STS: variants seen among roughly 807,000 people sequenced by gnomAD.
STS encodes steryl-sulfatase.
In STS, 7 loss-of-function variants were observed where a neutral mutation model predicts 26.8. The observed-to-expected ratio is 0.26, with a 90% CI of 0.15 to 0.49. The LOEUF is 0.49. Ranked by LOEUF, STS falls within the 20% of genes least tolerant of loss-of-function variation. The pLI is 0.98. For missense variants in STS, 434 were observed against 465.6 expected (o/e 0.93, Z 0.63); for synonymous variants, 199 against 189.4 (o/e 1.05, Z -0.42).
At chrX:7,271,317 G>A (rs1179997304) in intron 6 of STS, among the ~76,000 whole-genome samples, 1 of 111,323 alleles carries the variant, frequency 9.0e-6, no homozygotes, top group African/African-American at 3.3e-5. Flanking sequence ...TTTCATGTTC[G>A]TTTTGAGGAA....
chrX:7,334,031 C>G lies in STS; in HGVS notation c.1287C>G (p.Ser429Arg). 8.3e-7 allele frequency: 1 copy of G among 1,211,264 alleles called. No homozygotes were observed. Among genetic ancestry groups the G allele is most frequent in the Non-Finnish European group, 1.1e-6 (1 of 895,249 alleles). The change falls in exon 10 of 11, where the codon AGC becomes AGG. Residue 429 changes from serine (S) to arginine (R), a missense_variant. This residue lies in a region of STS where 205 missense variants were observed against 177.3 expected (regional missense o/e 1.16). Coordinates refer to ENST00000674429, the MANE Select transcript of STS (RefSeq NM_001320752.2). ...RDLMPLLEGK[S>R]QRSDHEFLFH... ...TGATGCCCCTGCTTGAAGGAAAAAGCCAACGCTCCGATCATGAGTTTCTCT... is the reference window on the plus strand; with the variant it reads ...TGATGCCCCTGCTTGAAGGAAAAAGGCAACGCTCCGATCATGAGTTTCTCT...
chrX:7,278,622 T>C (rs1238082387), intron 7 of STS, among the ~76,000 whole-genome samples: 1 of 112,371 alleles, frequency 8.9e-6, no homozygotes, highest in African/African-American at 3.2e-5. Context: ...CATATTGTTA[T>C]AGTAACTAGA....
At chrX:7,274,402 G>T (rs1280564808) in intron 6 of STS, among the ~76,000 whole-genome samples, 1 of 111,403 alleles carries the variant, frequency 9.0e-6, no homozygotes, top group African/African-American at 3.3e-5. Context: ...TTCCCTGATA[G>T]CCTTCAAAAA....
chrX:7,249,113 G>T (rs1371154310), intron 2 of STS, among the ~76,000 whole-genome samples: 1 of 110,536 alleles, frequency 9.0e-6, no homozygotes, highest in Non-Finnish European at 1.9e-5. Context: ...TTCCTTCCAA[G>T]TTCAGGCCGA....
At chrX:7,314,610 G>A (rs1299534559) in intron 8 of STS, among the ~76,000 whole-genome samples, 1 of 113,152 alleles carries the variant, frequency 8.8e-6, no homozygotes, top group African/African-American at 3.2e-5. Context: ...GATTGCATTG[G>A]CTTCAGTTGA....
chrX:7,328,648 CT>C (rs1927601000), intron 9 of STS, among the ~76,000 whole-genome samples: 1 of 108,286 alleles, frequency 9.2e-6, no homozygotes, highest in South Asian at 4.2e-4. Context: ...CTGCCTCCAC[CT>C]CCCAGGCTCA....
intron 8 of STS, among the ~76,000 whole-genome samples, chrX:7,323,319 C>G (rs772992890): frequency 9.1e-5 from 10 of 109,900 alleles, no homozygotes; most frequent in Admixed American, 7.8e-4. Flanking sequence ...TTCTAATGAT[C>G]CTGTCATCCA....
Position 7,226,816 on chromosome X carries a change from A to AC in STS, c.-4-26377dup, listed in dbSNP as rs750340804. Among the ~76,000 whole-genome samples the AC allele has an allele frequency of 4.5e-5, 5 of 111,493 alleles. No individual in the cohort carries two copies. In the South Asian group the frequency reaches 1.9e-3, roughly 42 times the overall value. On this transcript the variant is annotated intron_variant, in intron 2 of 10. Coordinates refer to ENST00000674429, the MANE Select transcript of STS (RefSeq NM_001320752.2). ...GGCTGAGGTTGGGAGGATTGCTTCA[A>AC]CCCAGGAGGTCAATGCTGCAGTGAG... is the stretch of plus-strand genomic sequence containing the variant.
chrX:7,197,016 G>A (rs1933982651), intron 2 of STS, among the ~76,000 whole-genome samples: 1 of 110,490 alleles, frequency 9.1e-6, no homozygotes, highest in African/African-American at 3.3e-5. Flanking sequence ...CTACTCTCAG[G>A]TCCTCCCTGC....
chrX:7,148,455 A>G (rs1363731379), intron 1 of STS, among the ~76,000 whole-genome samples: 13 of 112,838 alleles, frequency 1.2e-4, no homozygotes, highest in African/African-American at 4.2e-4. Context: ...TCGTCTGGGG[A>G]CAAATTCAGT....
chrX:7,325,818 G>A (rs1172212571), intron 9 of STS, among the ~76,000 whole-genome samples: 3 of 111,958 alleles, frequency 2.7e-5, no homozygotes, highest in Non-Finnish European at 5.6e-5. Context: ...CGGACTGAGT[G>A]GGGAAACCCA....
rs1449790878 is a variant in STS at position 7,250,759 on chromosome X, A to G, written c.-4-2437A>G. On this transcript the variant is annotated intron_variant, in intron 2 of 10. Transcript: ENST00000674429. ...ATGGAGACCTTAATTCAGTATTTGG[A>G]TATACAGTCTCTCTGGACATAAAAC... Among the ~76,000 whole-genome samples, 4 of 112,480 alleles carry G rather than the reference A, an allele frequency of 3.6e-5. No individual in the cohort carries two copies. The Admixed American group carries it at 3.8e-4, about 11-fold the overall frequency.
intron 7 of STS, among the ~76,000 whole-genome samples, chrX:7,293,297 A>G (rs1414630004): frequency 8.9e-6 from 1 of 111,804 alleles, no homozygotes; most frequent in Non-Finnish European, 1.9e-5. Context: ...GAGGAATGGA[A>G]CTTCTACATA....
chrX:7,254,265 C>A (rs1362997017), intron 3 of STS, among the ~76,000 whole-genome samples: 1 of 112,271 alleles, frequency 8.9e-6, no homozygotes, highest in Non-Finnish European at 1.9e-5. Context: ...GACTCGAGGT[C>A]ATTTGACCCT....
chrX:7,183,270 A>T (rs1425014997), intron 1 of STS, among the ~76,000 whole-genome samples: 1 of 111,954 alleles, frequency 8.9e-6, no homozygotes, highest in African/African-American at 3.2e-5. Context: ...TTCAGAACTC[A>T]TTGTACAATT....
At chrX:7,279,041 C>T (rs1222835623) in intron 7 of STS, among the ~76,000 whole-genome samples, 6 of 110,345 alleles carry the variant, frequency 5.4e-5, no homozygotes, top group African/African-American at 2.0e-4. Flanking sequence ...TGGGGGCTCA[C>T]ACCTGTAATC....
chrX:7,257,706 T>C, intron 5 of STS, 118 bp downstream of exon 5: 1 of 973,708 alleles, frequency 1.0e-6, no homozygotes, highest in Non-Finnish European at 1.5e-6. Context: ...GGGATGACTT[T>C]GCTGGTACAC....
At chrX:7,208,772 C>T (rs1405387880) in intron 2 of STS, among the ~76,000 whole-genome samples, 2 of 111,606 alleles carry the variant, frequency 1.8e-5, no homozygotes, top group African/African-American at 6.5e-5. Context: ...CCTTACAGTT[C>T]GGGAAGTCTT....
chrX:7,275,303 C>G (rs1218507842), intron 6 of STS, among the ~76,000 whole-genome samples: 2 of 111,629 alleles, frequency 1.8e-5, no homozygotes, highest in Non-Finnish European at 3.8e-5. Flanking sequence ...TAAATGTTCT[C>G]ACCTCAAAGA....
Sources: allele counts gnomAD v4.1 joint callset (sites outside exome capture counted in the v4.1 genomes callset), GRCh38; gene constraint gnomAD v4.1.1; regional missense constraint gnomAD v4.1.1; transcripts MANE v1.5; gene names NCBI Gene and HGNC (gene_info 2026-07-23, HGNC 2026-07-21).